The following BRINP3 variants were observed in gnomAD, a reference collection of about 807,000 sequenced individuals.
BRINP3 encodes the protein BMP/retinoic acid-inducible neural-specific protein 3.
BRINP3 carries 19 observed loss-of-function variants against 71.0 expected under a neutral mutation model. The observed-to-expected ratio is 0.27, with a 90% CI of 0.19 to 0.39. The LOEUF (loss-of-function observed/expected upper bound fraction) is 0.39. Among genes scored for constraint, BRINP3 ranks in the 10% least tolerant of loss-of-function variants. BRINP3 has a pLI of 1.00. For missense variants in BRINP3, 959 were observed against 940.8 expected, an observed-to-expected ratio of 1.02 and a Z score of -0.25; for synonymous variants, 380 against 337.7, an observed-to-expected ratio of 1.13 and a Z score of -1.37.
chr1:190,300,939 C>T lies in BRINP3; in HGVS notation c.237-19189G>A, dbSNP rs1022078532. 7.2e-5 allele frequency among the ~76,000 whole-genome samples: 11 copies of T among 151,780 alleles called. No homozygotes were observed. The South Asian group carries it at 8.3e-4, about 11-fold the overall frequency. On this transcript the variant is annotated intron_variant, in intron 2 of 7. Coordinates refer to ENST00000367462, the MANE Select transcript of BRINP3 (RefSeq NM_199051.3). ...AAAGCTGGATGGAGAATGACTTTGA[C>T]GAGCTGAGAGAAGAAGGCTTCAGAT... is the stretch of plus-strand genomic sequence containing the variant.
At chr1:190,232,842 T>G (rs1297062053) in intron 5 of BRINP3, among the ~76,000 whole-genome samples, 1 of 152,126 alleles carries the variant, frequency 6.6e-6, no homozygotes, top group African/African-American at 2.4e-5. Flanking sequence ...TTATTGCAAT[T>G]CATATTCTGA....
At chr1:190,470,457 A>G (rs1034638020) in intron 1 of BRINP3, among the ~76,000 whole-genome samples, 2 of 151,130 alleles carry the variant, frequency 1.3e-5, no homozygotes, top group Admixed American at 1.3e-4. Flanking sequence ...TAGCTATTAA[A>G]AGGAATTTGT....
At chr1:190,156,495 C>T (rs1390093133) in intron 7 of BRINP3, among the ~76,000 whole-genome samples, 3 of 148,968 alleles carry the variant, frequency 2.0e-5, no homozygotes, top group South Asian at 4.3e-4. Context: ...ATATTCTACC[C>T]TCCTAGAATC....
intron 2 of BRINP3, among the ~76,000 whole-genome samples, chr1:190,348,326 T>G (rs558710260): frequency 6.6e-6 from 1 of 152,100 alleles, no homozygotes; most frequent in Non-Finnish European, 1.5e-5. Flanking sequence ...TTGAGTGGAG[T>G]GCTCTCTCTG....
rs748757778 is a variant in BRINP3 at position 190,098,193 on chromosome 1, C to T, written c.2126G>A (p.Arg709His). 3 of 1,614,102 alleles carry T rather than the reference C, an allele frequency of 1.9e-6. No homozygotes were observed. The highest frequency in any genetic ancestry group is 2.2e-5 in the East Asian group (1 of 44,870). ...ALLQLLEIRD[R>H]VNKLSPPGQR... ...ACCAGGTGGGGAGAGTTTATTTACACGGTCTCTGATCTCTAGTAGTTGCAA... is the reference window on the plus strand; with the variant it reads ...ACCAGGTGGGGAGAGTTTATTTACATGGTCTCTGATCTCTAGTAGTTGCAA... Residue 709 changes from arginine (R) to histidine (H), a missense_variant, in exon 8 of 8, where the codon CGT (arginine) becomes CAT (histidine). Physicochemically the swap from Arg to His is conservative, Grantham distance 29. Coordinates refer to ENST00000367462, the MANE Select transcript of BRINP3 (RefSeq NM_199051.3).
chr1:190,277,378 C>T (rs868122580), intron 3 of BRINP3, among the ~76,000 whole-genome samples: 9 of 150,970 alleles, frequency 6.0e-5, no homozygotes, highest in Non-Finnish European at 1.2e-4. Context: ...AGAGTACTAG[C>T]GGAGGAACTC....
At chr1:190,294,409 G>T (rs1417382878) in intron 2 of BRINP3, among the ~76,000 whole-genome samples, 3 of 151,764 alleles carry the variant, frequency 2.0e-5, no homozygotes, top group African/African-American at 7.3e-5. Context: ...CCAGGCATGT[G>T]TTACCATGCC....
chr1:190,380,020 G>T (rs920788613), intron 2 of BRINP3, among the ~76,000 whole-genome samples: 2 of 114,054 alleles, frequency 1.8e-5, no homozygotes, highest in Admixed American at 2.0e-4. Context: ...AAAGAAAAAA[G>T]AAAAAAGAAA....
intron 6 of BRINP3, among the ~76,000 whole-genome samples, chr1:190,172,384 C>T (rs1022842707): frequency 6.6e-6 from 1 of 151,640 alleles, no homozygotes; most frequent in Non-Finnish European, 1.5e-5. Flanking sequence ...CATTTTTCCT[C>T]CGGATTGAAT....
At chr1:190,248,155 G>T (rs2102801324) in intron 4 of BRINP3, among the ~76,000 whole-genome samples, 1 of 151,824 alleles carries the variant, frequency 6.6e-6, no homozygotes, top group South Asian at 2.1e-4. Flanking sequence ...AGTTATTTTA[G>T]TGGGAAATCT....
intron 4 of BRINP3, among the ~76,000 whole-genome samples, chr1:190,237,452 G>T (rs1658630346): frequency 6.6e-6 from 1 of 151,716 alleles, no homozygotes; most frequent in East Asian, 1.9e-4. Context: ...GATGCTAACT[G>T]TGCCAAAACA....
chr1:190,157,387 G>A (rs1170796524), intron 7 of BRINP3, among the ~76,000 whole-genome samples: 1 of 151,934 alleles, frequency 6.6e-6, no homozygotes, highest in South Asian at 2.1e-4. Flanking sequence ...CAGATTTCAT[G>A]GATTCCTGTG....
intron 6 of BRINP3, among the ~76,000 whole-genome samples, chr1:190,189,884 CT>C (rs1434901295): frequency 5.3e-5 from 8 of 152,112 alleles, no homozygotes; most frequent in Non-Finnish European, 1.2e-4. Context: ...TATAGACTAG[CT>C]TTTTCTAGAA....
At chr1:190,282,577 T>A (rs1663121012) in intron 2 of BRINP3, among the ~76,000 whole-genome samples, 1 of 151,984 alleles carries the variant, frequency 6.6e-6, no homozygotes, top group South Asian at 2.1e-4. Context: ...AATTCATATT[T>A]ATAAAATAAT....
intron 7 of BRINP3, among the ~76,000 whole-genome samples, chr1:190,119,011 A>G (rs1352653190): frequency 6.6e-6 from 1 of 152,138 alleles, no homozygotes; most frequent in South Asian, 2.1e-4. Flanking sequence ...TACATTAATA[A>G]TAACAGTTAA....
intron 2 of BRINP3, among the ~76,000 whole-genome samples, chr1:190,360,699 T>C (rs1243061404): frequency 6.6e-6 from 1 of 152,064 alleles, no homozygotes; most frequent in Non-Finnish European, 1.5e-5. Flanking sequence ...ATCGTTGCCT[T>C]GGTGGAAAAC....
At chr1:190,151,494 A>C (rs1222126602) in intron 7 of BRINP3, among the ~76,000 whole-genome samples, 2 of 152,182 alleles carry the variant, frequency 1.3e-5, no homozygotes, top group Non-Finnish European at 2.9e-5. Flanking sequence ...CTCATATGTA[A>C]GTTCATGTAT....
At chr1:190,138,792 G>C (rs1475018556) in intron 7 of BRINP3, among the ~76,000 whole-genome samples, 1 of 152,134 alleles carries the variant, frequency 6.6e-6, no homozygotes, top group Admixed American at 6.5e-5. Context: ...TCCAGACCAA[G>C]AAAGGACAAA....
At chr1:190,152,277 C>T (rs1334328673) in intron 7 of BRINP3, among the ~76,000 whole-genome samples, 1 of 151,700 alleles carries the variant, frequency 6.6e-6, no homozygotes, top group East Asian at 1.9e-4. Context: ...CCAACCATGG[C>T]AGTCATTATC....
Sources: allele counts gnomAD v4.1 joint callset (sites outside exome capture counted in the v4.1 genomes callset), GRCh38; gene constraint gnomAD v4.1.1; transcripts MANE v1.5; gene names NCBI Gene and HGNC (gene_info 2026-07-23, HGNC 2026-07-21).